Variants in KSR2 observed in about 807,000 individuals in gnomAD.
KSR2 encodes kinase suppressor of ras 2.
Under a neutral mutation model 107.8 loss-of-function variants are expected in KSR2, and 25 were observed. That is an observed-to-expected ratio of 0.23 (90% CI 0.17 to 0.32). The LOEUF (loss-of-function observed/expected upper bound fraction) is 0.32, where lower values mean the gene tolerates loss of function less well. KSR2 is among the 10% of genes least tolerant of loss of function. The probability of loss-of-function intolerance (pLI) is 1.00; values close to 1 mark genes in which losing one functional copy is unlikely to be tolerated. For synonymous variants in KSR2, 480 were observed against 507.0 expected (o/e 0.95, Z 0.71); for missense variants, 887 against 1,268.9 (o/e 0.70, Z 4.57).
intron 5 of KSR2, among the ~76,000 whole-genome samples, chr12:117,665,880 C>A (rs747835823): frequency 4.6e-5 from 7 of 152,192 alleles, no homozygotes; most frequent in Non-Finnish European, 1.0e-4. Flanking sequence ...TGCTCCTGGT[C>A]GTGACATCTG....
intron 4 of KSR2, among the ~76,000 whole-genome samples, chr12:117,711,318 G>A (rs1467456746): frequency 2.6e-5 from 4 of 152,358 alleles, no homozygotes; most frequent in African/African-American, 7.2e-5. Flanking sequence ...GGATCAGAAG[G>A]AGTCAGCCAT....
At chr12:117,563,474 C>T (rs1043211001) in intron 7 of KSR2, among the ~76,000 whole-genome samples, 2 of 152,170 alleles carry the variant, frequency 1.3e-5, no homozygotes, top group Non-Finnish European at 2.9e-5. Context: ...TCAGTTTCCC[C>T]ATCTGTAAGG....
At chr12:117,577,956 C>T (rs769242857) in intron 7 of KSR2, among the ~76,000 whole-genome samples, 1 of 152,170 alleles carries the variant, frequency 6.6e-6, no homozygotes, top group Non-Finnish European at 1.5e-5. Context: ...GTAGCAGAGC[C>T]AGGATTTAAA....
intron 4 of KSR2, among the ~76,000 whole-genome samples, chr12:117,757,471 T>G (rs1017757290): frequency 6.6e-6 from 1 of 152,198 alleles, no homozygotes. Context: ...AGTGGCAGGG[T>G]TTGAGAGGAT....
In KSR2 at chr12:117,502,059, A is replaced by G. The variant is rs565940422; in HGVS notation, c.2220-16368T>C. 4.6e-5 allele frequency among the ~76,000 whole-genome samples: 7 copies of G among 152,348 alleles called. 1 individual carries two copies. On this transcript the variant is annotated intron_variant, in intron 14 of 19. Transcript: ENST00000339824. ...ACCCACTGTCACCACACAAGGAATC[A>G]CTGTAACTGGATCAAAAGCCACAAG... is the stretch of plus-strand genomic sequence containing the variant.
chr12:117,755,783 A>T (rs2136845510), intron 4 of KSR2, among the ~76,000 whole-genome samples: 1 of 152,370 alleles, frequency 6.6e-6, no homozygotes, highest in African/African-American at 2.4e-5. Context: ...TAGGCTTCTT[A>T]TGCCAAATGG....
At chr12:117,717,102 G>C (rs987180533) in intron 4 of KSR2, among the ~76,000 whole-genome samples, 1 of 152,194 alleles carries the variant, frequency 6.6e-6, no homozygotes, top group Admixed American at 6.5e-5. Context: ...ACCAAAGTTG[G>C]TGTGTGATCC....
chr12:117,711,906 G>C (rs1348808364), intron 4 of KSR2, among the ~76,000 whole-genome samples: 4 of 152,230 alleles, frequency 2.6e-5, no homozygotes, highest in Non-Finnish European at 5.9e-5. Context: ...GGATCAGGGA[G>C]ACACCGCTGA....
chr12:117,823,816 A>G (rs1310299509), intron 3 of KSR2, among the ~76,000 whole-genome samples: 1 of 152,210 alleles, frequency 6.6e-6, no homozygotes, highest in South Asian at 2.1e-4. Flanking sequence ...TATAATTAGG[A>G]CAGCCACTCT....
chr12:117,798,735 A>ATATATATATATATATATC (rs10667993), intron 3 of KSR2, among the ~76,000 whole-genome samples: 1 of 142,498 alleles, frequency 7.0e-6, no homozygotes, highest in East Asian at 2.1e-4. Flanking sequence ...ATATATATAT[A>ATATATATATATATATATC]TCAACCCAAA....
intron 5 of KSR2, among the ~76,000 whole-genome samples, chr12:117,599,223 T>C (rs1281222677): frequency 6.6e-6 from 1 of 152,200 alleles, no homozygotes; most frequent in Non-Finnish European, 1.5e-5. Flanking sequence ...ATTGAGAAGC[T>C]GGACTCCAAA....
Position 117,697,385 on chromosome 12 carries a change from A to G in KSR2, c.987-29727T>C, listed in dbSNP as rs143268031. Among the ~76,000 whole-genome samples the G allele has an allele frequency of 9.8e-3, 1,492 of 152,288 alleles. 29 individuals carry two copies. The highest frequency in any genetic ancestry group is 0.014 in the Middle Eastern group (4 of 294). On this transcript the variant is annotated intron_variant, in intron 4 of 19. Transcript: ENST00000339824. ...GCTGGTTACAGAGGTATGTTTATTT[A>G]ATGAAAGTTCAAGACGCTATCTGCT...
At chr12:117,644,431 C>T (rs1883524207) in intron 5 of KSR2, among the ~76,000 whole-genome samples, 1 of 152,186 alleles carries the variant, frequency 6.6e-6, no homozygotes, top group Admixed American at 6.5e-5. Flanking sequence ...ATGCAGGCTA[C>T]TAAAGCAGGA....
chr12:117,918,788 CAAAAA>C (rs1423434186), intron 1 of KSR2, among the ~76,000 whole-genome samples: 1 of 106,538 alleles, frequency 9.4e-6, no homozygotes. Flanking sequence ...AACTCCGTCT[CAAAAA>C]AAAAAAAAAA....
At chr12:117,514,999 C>A (rs978315273) in intron 14 of KSR2, among the ~76,000 whole-genome samples, 1 of 152,142 alleles carries the variant, frequency 6.6e-6, no homozygotes, top group African/African-American at 2.4e-5. Context: ...TGTCCATCTG[C>A]CTAATTACTT....
At chr12:117,876,901 GC>G (rs1344552507) in intron 1 of KSR2, among the ~76,000 whole-genome samples, 2 of 151,928 alleles carry the variant, frequency 1.3e-5, no homozygotes, top group African/African-American at 2.4e-5. Flanking sequence ...TACATCATGA[GC>G]TATCTTGGGG....
chr12:117,845,500 G>A (rs569984008), intron 3 of KSR2, among the ~76,000 whole-genome samples: 8 of 152,218 alleles, frequency 5.3e-5, no homozygotes, highest in South Asian at 4.2e-4. Flanking sequence ...TTGGTTAAGC[G>A]ATAGACCCCA....
intron 3 of KSR2, among the ~76,000 whole-genome samples, chr12:117,786,816 G>C (rs1890093256): frequency 6.6e-6 from 1 of 151,744 alleles, no homozygotes; most frequent in Admixed American, 6.6e-5. Context: ...AACTCACTGA[G>C]GTCGGGAGTT....
intron 3 of KSR2, among the ~76,000 whole-genome samples, chr12:117,792,940 A>C (rs1471885719): frequency 6.6e-6 from 1 of 150,472 alleles, no homozygotes; most frequent in East Asian, 2.0e-4. Flanking sequence ...CAACATGCAC[A>C]CACGCTCACA....
Sources: gnomAD v4.1 joint callset for allele counts (sites outside exome capture counted in the v4.1 genomes callset) on GRCh38, gnomAD v4.1.1 for gene constraint, MANE v1.5 for transcripts, NCBI Gene and HGNC (gene_info 2026-07-23, HGNC 2026-07-21) for gene names.